The following RBM33 variants were observed in gnomAD, a reference collection of about 807,000 sequenced individuals.
The protein encoded by RBM33 is RNA-binding protein 33.
In RBM33, 28 loss-of-function variants were observed where a neutral mutation model predicts 132.6. The ratio of observed to expected loss-of-function variants is 0.21; its 90% CI spans 0.16 to 0.29. The LOEUF (loss-of-function observed/expected upper bound fraction) is 0.29. Among genes scored for constraint, RBM33 ranks in the 10% least tolerant of loss-of-function variants. RBM33 has a pLI of 1.00. For missense variants in RBM33, 1,291 were observed against 1,518.5 expected, an observed-to-expected ratio of 0.85 and a Z score of 2.49; for synonymous variants, 634 against 593.0, an observed-to-expected ratio of 1.07 and a Z score of -1.01.
In RBM33 at chr7:155,738,248, G is replaced by A. The variant is rs1316336601; in HGVS notation, c.1582G>A (p.Val528Ile). The part of the protein sequence containing the change: ...QQPVFPRERP[V>I]RPALQPPGPV... Reference sequence around the variant, plus strand: ...GCCAGTGTTCCCAAGAGAGCGGCCCGTACGACCAGCCTTGCAGCCTCCAGG... The same window carrying A: ...GCCAGTGTTCCCAAGAGAGCGGCCCATACGACCAGCCTTGCAGCCTCCAGG... Residue 528 changes from valine to isoleucine, a missense_variant, in exon 11 of 18, where the codon GTA becomes ATA. By Grantham distance (29) the Val-to-Ile change is conservative. Around this residue, in one of 7 missense-constraint regions of RBM33, gnomAD observed 841 missense variants for 912.0 expected, o/e 0.92. Transcript: ENST00000401878. 14 of 1,613,924 alleles carry A rather than the reference G, an allele frequency of 8.7e-6. No homozygotes were observed. Among genetic ancestry groups the A allele is most frequent in the Non-Finnish European group, 1.2e-5 (14 of 1,179,886 alleles).
At chr7:155,749,629 AT>A (rs35315192) in intron 14 of RBM33, among the ~76,000 whole-genome samples, 1 of 152,332 alleles carries the variant, frequency 6.6e-6, no homozygotes, top group Non-Finnish European at 1.5e-5. Context: ...GTTAGGTTTC[AT>A]TTTGGTTGCC....
chr7:155,773,429 G>A (rs188457158), intron 16 of RBM33, among the ~76,000 whole-genome samples: 152 of 152,090 alleles, frequency 1.0e-3, no homozygotes, highest in African/African-American at 3.3e-3. Context: ...TAGCTAGGGC[G>A]TGGTGATGGG....
In RBM33 at chr7:155,745,263, T is replaced by C. The variant is rs1801477595; in HGVS notation, c.2640T>C (p.Asp880=). Residue 880 remains aspartate (D), a synonymous_variant, in exon 14 of 18, where the codon GAT becomes GAC. Coordinates refer to ENST00000401878, the MANE Select transcript of RBM33 (RefSeq NM_053043.3). This position sits in a 1 kb window ranked among gnomAD's most constrained non-coding sequence, Gnocchi z 4.1. ...VKNRLLVKNQ[D]VSISNVQPKT... ...ACAGACTTCTTGTTAAAAACCAGGA[T>C]GTCAGTATTTCAAACGTTCAGCCCA... The C allele has an allele frequency of 6.2e-7, 1 of 1,612,884 alleles. No individual in the cohort carries two copies. The highest frequency in any genetic ancestry group is 8.5e-7 in the Non-Finnish European group (1 of 1,179,406).
At chr7:155,680,941 A>G (rs1354165244) in intron 5 of RBM33, 33 bp downstream of exon 5, 4 of 1,568,414 alleles carry the variant, frequency 2.6e-6, no homozygotes, top group Non-Finnish European at 2.6e-6. Flanking sequence ...GGCCAAAGAT[A>G]ACCTGGCTTC....
Position 155,741,789 on chromosome 7 carries a change from C to A in RBM33, c.2050-30C>A, listed in dbSNP as rs371775016. ...GTTCCTTCTGCCAAGTTTCCACTTA[C>A]AATTAGAATCTCTTTCTTTTTGTGA... is the stretch of plus-strand genomic sequence containing the variant. On this transcript the variant is annotated intron_variant, in intron 12 of 17. Coordinates refer to ENST00000401878, the MANE Select transcript of RBM33 (RefSeq NM_053043.3). The A allele has an allele frequency of 2.3e-5, 37 of 1,582,562 alleles. No homozygotes were observed. In the East Asian group the frequency reaches 2.5e-4, roughly 11 times the overall value.
At chr7:155,772,612 G>A (rs935745246) in intron 16 of RBM33, among the ~76,000 whole-genome samples, 2 of 152,194 alleles carry the variant, frequency 1.3e-5, no homozygotes, top group African/African-American at 4.8e-5. Context: ...TTAATGACAA[G>A]TGAAACTATC....
intron 9 of RBM33, among the ~76,000 whole-genome samples, chr7:155,727,850 C>T (rs1408309272): frequency 2.0e-5 from 3 of 152,202 alleles, no homozygotes; most frequent in Admixed American, 6.5e-5. Flanking sequence ...GCTGCAGGCC[C>T]GGCTTCCCGG....
chr7:155,779,131 A>G lies in RBM33; in HGVS notation c.*4090A>G, dbSNP rs1001129384. On this transcript the variant is annotated 3_prime_UTR_variant, in exon 18 of 18. Transcript: ENST00000401878. Reference sequence around the variant, plus strand: ...CCCTCCCTACTTGTAGGCCTCAGCTATGGCTTGACGTAATCGCTTTTAGAC... The same window carrying G: ...CCCTCCCTACTTGTAGGCCTCAGCTGTGGCTTGACGTAATCGCTTTTAGAC... 3 of 149,352 alleles carry G rather than the reference A, an allele frequency of 2.0e-5. No homozygotes were observed. The highest frequency in any genetic ancestry group is 4.4e-5 in the Non-Finnish European group (3 of 67,742). 9.3% of individuals were successfully genotyped at this position (149,352 alleles called of 1,614,324 possible). A position where few individuals can be genotyped will look rare whatever the true frequency, so the allele number is the denominator to read the frequency against.
chr7:155,703,356 A>T (rs1800020905), intron 6 of RBM33, among the ~76,000 whole-genome samples: 1 of 152,278 alleles, frequency 6.6e-6, no homozygotes, highest in South Asian at 2.1e-4. Context: ...TCTCCTTGGA[A>T]TTATGGGGGA....
At chr7:155,726,890 TG>T (rs1222494579) in intron 9 of RBM33, among the ~76,000 whole-genome samples, 1 of 152,190 alleles carries the variant, frequency 6.6e-6, no homozygotes, top group African/African-American at 2.4e-5. Context: ...TGTCATTCAT[TG>T]GTGATGTAAC....
Position 155,745,862 on chromosome 7 carries a change from G to A in RBM33, c.2979+260G>A. Reference sequence around the variant, plus strand: ...CCATACACAGACGGTACAGCCTGCTGCACACCTAGGCTATATGGTACAGCC... The same window carrying A: ...CCATACACAGACGGTACAGCCTGCTACACACCTAGGCTATATGGTACAGCC... On this transcript the variant is annotated intron_variant, in intron 14 of 17. Transcript: ENST00000401878. The surrounding 1 kb of genome is among the most constrained non-coding windows in gnomAD (Gnocchi z 4.1). 2.0e-6 allele frequency: 1 copy of A among 489,058 alleles called. No individual in the cohort carries two copies. Among genetic ancestry groups the A allele is most frequent in the Non-Finnish European group, 3.7e-6 (1 of 272,598 alleles). The allele number at this position is 489,058 out of a possible 1,614,324, so 30.3% of individuals were successfully genotyped here. A position where few individuals can be genotyped will look rare whatever the true frequency, so the allele number is the denominator to read the frequency against.
chr7:155,673,591 T>TACACACATAC (rs1563137562), intron 3 of RBM33, among the ~76,000 whole-genome samples: 1 of 94,872 alleles, frequency 1.1e-5, no homozygotes, highest in Non-Finnish European at 2.2e-5. Context: ...TGTATATATA[T>TACACACATAC]ATACACACAT....
chr7:155,728,503 C>T (rs1029891952), intron 9 of RBM33, among the ~76,000 whole-genome samples: 1 of 152,208 alleles, frequency 6.6e-6, no homozygotes. Context: ...CTTGTTTACT[C>T]ACCCTGAGTA....
intron 2 of RBM33, among the ~76,000 whole-genome samples, chr7:155,669,308 T>G (rs542641475): frequency 6.6e-6 from 1 of 152,156 alleles, no homozygotes. Context: ...TTTAAAGATA[T>G]GAATGTCTCA....
intron 1 of RBM33, among the ~76,000 whole-genome samples, chr7:155,652,978 T>C (rs758288728): frequency 6.6e-6 from 1 of 152,242 alleles, no homozygotes; most frequent in Non-Finnish European, 1.5e-5. Context: ...TTTGAGTCAT[T>C]ATTTCACTTA....
intron 8 of RBM33, among the ~76,000 whole-genome samples, chr7:155,716,140 C>G (rs1429850364): frequency 6.6e-6 from 1 of 152,116 alleles, no homozygotes; most frequent in Non-Finnish European, 1.5e-5. Context: ...CTGTTAAATT[C>G]TTCGCTGCAG....
chr7:155,763,341 C>G (rs1331765502), intron 14 of RBM33, among the ~76,000 whole-genome samples: 1 of 152,228 alleles, frequency 6.6e-6, no homozygotes, highest in African/African-American at 2.4e-5. Flanking sequence ...GGAAGACTTA[C>G]AGTCGCAACC....
chr7:155,762,521 T>C (rs1350985847), intron 14 of RBM33, among the ~76,000 whole-genome samples: 2 of 152,246 alleles, frequency 1.3e-5, no homozygotes, highest in African/African-American at 2.4e-5. Flanking sequence ...TTTGCAGACA[T>C]TTTCATGCCA....
intron 1 of RBM33, among the ~76,000 whole-genome samples, chr7:155,659,625 A>T (rs1027935843): frequency 1.3e-5 from 2 of 152,248 alleles, no homozygotes; most frequent in African/African-American, 4.8e-5. Flanking sequence ...TTATATACAC[A>T]TAGGAGACCC....
Sources: gnomAD v4.1 joint callset for allele counts (sites outside exome capture counted in the v4.1 genomes callset) on GRCh38, gnomAD v4.1.1 for gene constraint, gnomAD v4.1.1 regional missense constraint, Gnocchi (gnomAD v3.1) non-coding constraint, MANE v1.5 for transcripts, NCBI Gene and HGNC (gene_info 2026-07-23, HGNC 2026-07-21) for gene names.